The following POU3F3 variants were observed in gnomAD, a reference collection of about 807,000 sequenced individuals.
POU3F3 encodes the protein POU domain, class 3, transcription factor 3.
Under a neutral mutation model 8.6 loss-of-function variants are expected in POU3F3, and 1 was observed. That is an observed-to-expected ratio of 0.12 (90% confidence interval 0.04 to 0.55). The LOEUF is 0.55. Among genes scored for constraint, POU3F3 ranks in the 20% least tolerant of loss-of-function variants. POU3F3 has a pLI of 0.91. For missense variants in POU3F3, 577 were observed against 690.7 expected, an observed-to-expected ratio of 0.84 and a Z score of 1.84; for synonymous variants, 418 against 327.4, an observed-to-expected ratio of 1.28 and a Z score of -2.99.
chr2:104,912,232 G>A, the POU3F3 span, among the ~76,000 whole-genome samples: 1 of 152,160 alleles, frequency 6.6e-6, no homozygotes, highest in East Asian at 1.9e-4. Context: ...GCGCATTGTG[G>A]GTGCTTGACA....
the POU3F3 span, among the ~76,000 whole-genome samples, chr2:104,864,611 C>T: frequency 1.3e-5 from 2 of 152,296 alleles, no homozygotes; most frequent in South Asian, 4.1e-4. Context: ...CTAGACAAGC[C>T]ACATTCCATG....
At chr2:104,917,130 C>T in the POU3F3 span, among the ~76,000 whole-genome samples, 1 of 152,236 alleles carries the variant, frequency 6.6e-6, no homozygotes, top group African/African-American at 2.4e-5. Flanking sequence ...ACTGGCTCCC[C>T]TGGTTGGGAT....
At chr2:104,917,738 A>T in the POU3F3 span, among the ~76,000 whole-genome samples, 1 of 152,160 alleles carries the variant, frequency 6.6e-6, no homozygotes, top group African/African-American at 2.4e-5. Flanking sequence ...TAAGCAGCCC[A>T]GTACTAGGGT....
the POU3F3 span, among the ~76,000 whole-genome samples, chr2:104,889,397 A>G: frequency 6.6e-6 from 1 of 152,182 alleles, no homozygotes; most frequent in Non-Finnish European, 1.5e-5. Context: ...AGGAGGGGCC[A>G]GGCTCCTCCC....
chr2:104,926,941 C>T, the POU3F3 span, among the ~76,000 whole-genome samples: 1 of 151,988 alleles, frequency 6.6e-6, no homozygotes, highest in African/African-American at 2.4e-5. Context: ...ACATCACACA[C>T]TGGGGCCTGT....
chr2:104,916,572 T>C, the POU3F3 span, among the ~76,000 whole-genome samples: 1 of 152,134 alleles, frequency 6.6e-6, no homozygotes, highest in East Asian at 1.9e-4. Context: ...CCTTATGACA[T>C]GGTGTTTGAC....
chr2:104,912,034 G>T, the POU3F3 span, among the ~76,000 whole-genome samples: 7 of 152,154 alleles, frequency 4.6e-5, no homozygotes, highest in Non-Finnish European at 1.0e-4. Context: ...ATAGCTTTTT[G>T]GGTGTGCACG....
At chr2:104,877,142 G>A in the POU3F3 span, among the ~76,000 whole-genome samples, 1 of 152,122 alleles carries the variant, frequency 6.6e-6, no homozygotes, top group Non-Finnish European at 1.5e-5. Context: ...ATGTTTGGGG[G>A]CGCTGGGACC....
rs760368081 is a variant in POU3F3 at position 104,856,440 on chromosome 2, G to A, written c.930G>A (p.Pro310=). The A allele has an allele frequency of 1.8e-5, 29 of 1,610,746 alleles. No homozygotes were observed. The South Asian group carries it at 3.0e-4, about 16-fold the overall frequency. The change falls in exon 1 of 1, where the codon CCG becomes CCA. Residue 310 remains proline (P), a synonymous_variant. Coordinates refer to ENST00000361360, the MANE Select transcript of POU3F3 (RefSeq NM_006236.3). ...GGCCTGGACTCAACAGCCACGACCC[G>A]CACTCGGACGAGGACACGCCGACGT... is the stretch of plus-strand genomic sequence containing the variant. The part of the protein sequence containing the change: ...GAGPGLNSHD[P]HSDEDTPTSD...
At chr2:104,922,284 T>TA in the POU3F3 span, among the ~76,000 whole-genome samples, 1 of 150,224 alleles carries the variant, frequency 6.7e-6, no homozygotes, top group Admixed American at 6.7e-5. Flanking sequence ...AACAGGAAAG[T>TA]ATGGTTCATT....
In POU3F3 at chr2:104,855,612, T is replaced by TGGC. The variant is rs1213851181; in HGVS notation, c.120_122dup (p.Gly43dup). The TGGC allele has an allele frequency of 1.2e-3, 761 of 643,494 alleles. 1 individual carries two copies. The highest frequency in any genetic ancestry group is 9.9e-3 in the East Asian group (38 of 3,842). The allele number at this position is 643,494 out of a possible 1,614,324, so 39.9% of individuals were successfully genotyped here. A position where few individuals can be genotyped will look rare whatever the true frequency, so the allele number is the denominator to read the frequency against. On this transcript the variant is annotated inframe_insertion, in exon 1 of 1. Coordinates refer to ENST00000361360, the MANE Select transcript of POU3F3 (RefSeq NM_006236.3). ...CGGCAGGGGCTGGCGGCGGCGGGGG[T>TGGC]GGCGGCGGCGGCGGCGGCGGGGGCG...
At chr2:104,858,579 CTG>C, downstream of POU3F3, 1 of 152,182 alleles carries the variant, frequency 6.6e-6, no homozygotes, top group East Asian at 1.9e-4. Flanking sequence ...ATGAAATAGT[CTG>C]TGTCTGATGC....
chr2:104,899,696 A>G, the POU3F3 span, among the ~76,000 whole-genome samples: 1 of 152,220 alleles, frequency 6.6e-6, no homozygotes, highest in Non-Finnish European at 1.5e-5. Context: ...GCTGTTTGAG[A>G]CTGTGAGCCA....
the POU3F3 span, chr2:104,872,144 C>T: frequency 3.2e-5 from 14 of 437,768 alleles, no homozygotes; most frequent in Admixed American, 3.5e-4. This position sits in a 1 kb window ranked among gnomAD's most constrained non-coding sequence, Gnocchi z 4.6. Flanking sequence ...TTCAAAACCC[C>T]CTGGAGAACT....
the POU3F3 span, among the ~76,000 whole-genome samples, chr2:104,898,415 A>G: frequency 2.6e-5 from 4 of 152,250 alleles, no homozygotes; most frequent in Non-Finnish European, 5.9e-5. Context: ...ATATGATTAT[A>G]GAATAAAATA....
At chr2:104,895,919 C>A in the POU3F3 span, among the ~76,000 whole-genome samples, 1 of 152,176 alleles carries the variant, frequency 6.6e-6, no homozygotes, top group Non-Finnish European at 1.5e-5. Flanking sequence ...AGTATGAGTT[C>A]TCTCCAGGAA....
rs2104338072 is a variant in POU3F3, at chr2:104,854,445, G to A, written c.-1066G>A. Among the ~76,000 whole-genome samples the A allele has an allele frequency of 6.6e-6, 1 of 152,198 alleles. No individual in the cohort carries two copies. The highest frequency in any genetic ancestry group is 2.1e-4 in the South Asian group (1 of 4,820). On this transcript the variant is annotated 5_prime_UTR_variant, in exon 1 of 1. Coordinates refer to ENST00000361360, the MANE Select transcript of POU3F3 (RefSeq NM_006236.3). The surrounding 1 kb of genome is among the most constrained non-coding windows in gnomAD (Gnocchi z 4.5). ...CCTCCTCCTTCTCCAGACAACTGCT[G>A]GGAAAAAAATAAAACACCAACCCCA...
At chr2:104,877,908 G>A in the POU3F3 span, among the ~76,000 whole-genome samples, 2 of 151,540 alleles carry the variant, frequency 1.3e-5, no homozygotes, top group Non-Finnish European at 2.9e-5. Context: ...CGTCCTCCTC[G>A]GCCTCCCAAA....
the POU3F3 span, among the ~76,000 whole-genome samples, chr2:104,879,271 G>A: frequency 2.0e-5 from 3 of 152,034 alleles, no homozygotes; most frequent in South Asian, 6.3e-4. Context: ...CTTAAGCCGC[G>A]ATTGGGCTCT....
Sources: gnomAD v4.1 joint callset for allele counts (sites outside exome capture counted in the v4.1 genomes callset) on GRCh38, gnomAD v4.1.1 for gene constraint, Gnocchi (gnomAD v3.1) non-coding constraint, MANE v1.5 for transcripts, NCBI Gene and HGNC (gene_info 2026-07-23, HGNC 2026-07-21) for gene names.